The following C5 variants were observed in gnomAD, a reference collection of about 807,000 sequenced individuals.
C5 encodes the protein complement C5.
C5 carries 140 observed loss-of-function variants against 218.8 expected under a neutral mutation model. The ratio of observed to expected loss-of-function variants is 0.64; its 90% CI spans 0.56 to 0.74. The LOEUF (loss-of-function observed/expected upper bound fraction) is 0.74. C5 is among the 30% of genes least tolerant of loss of function. The probability of loss-of-function intolerance (pLI) is 0.00; values close to 1 mark genes in which losing one functional copy is unlikely to be tolerated. For synonymous variants in C5, 614 were observed against 682.3 expected (o/e 0.90, Z 1.56); for missense variants, 1,700 against 1,969.6 (o/e 0.86, Z 2.59).
chr9:121,013,275 C>T (rs146679851), intron 17 of C5, among the ~76,000 whole-genome samples: 2 of 144,268 alleles, frequency 1.4e-5, no homozygotes, highest in East Asian at 2.1e-4. Context: ...GCCAAGATTG[C>T]ACCACTGCAC....
At chr9:121,051,074 A>T (rs1225121910), upstream of C5, among the ~76,000 whole-genome samples, 1 of 152,112 alleles carries the variant, frequency 6.6e-6, no homozygotes, top group African/African-American at 2.4e-5. Flanking sequence ...TTCCTATAAC[A>T]ATTGAGTCTA....
intron 21 of C5, 41 bp downstream of exon 21, chr9:120,997,506 C>T: frequency 4.2e-6 from 6 of 1,418,080 alleles, no homozygotes; most frequent in Admixed American, 1.7e-5. Flanking sequence ...CTCTCTTTTG[C>T]AATAATTTAA....
intron 22 of C5, among the ~76,000 whole-genome samples, chr9:120,993,480 T>A (rs2047093048): frequency 1.3e-5 from 2 of 152,240 alleles, no homozygotes; most frequent in African/African-American, 4.8e-5. Context: ...TGGAGTGCAG[T>A]GGCGTGATCT....
chr9:121,020,028 A>G lies in C5; in HGVS notation c.1454T>C (p.Ile485Thr). 1 of 1,612,280 alleles carries G rather than the reference A, an allele frequency of 6.2e-7. No homozygotes were observed. Among genetic ancestry groups the G allele is most frequent in the Non-Finnish European group, 8.5e-7 (1 of 1,178,396 alleles). ...AATATATGGGCTTTTGGGGGTAACA[A>G]TAATATTCAGATGTTCTCCCACTAG... ...ALLVGEHLNI[I>T]VTPKSPYIDK... The change falls in exon 12 of 41, where the codon ATT becomes ACT. Residue 485 changes from isoleucine (I) to threonine (T), a missense_variant. Physicochemically the swap from Ile to Thr is moderately conservative, Grantham distance 89. Transcript: ENST00000223642.
chr9:120,974,827 T>C lies in C5; in HGVS notation c.3969A>G (p.Leu1323=), dbSNP rs1228423423. The change falls in exon 30 of 41, where the codon TTA becomes TTG. Residue 1323 remains leucine (L), a synonymous_variant. Coordinates refer to ENST00000223642, the MANE Select transcript of C5 (RefSeq NM_001735.3). ...TCTTGTCTGTCATTTTATAATTATG[T>C]AAGGCACCTTTATGCTTGTAAGAAA... ...IDVSYKHKGA[L]HNYKMTDKNF... 3.7e-6 allele frequency: 6 copies of C among 1,613,956 alleles called. No individual in the cohort carries two copies. In the South Asian group the frequency reaches 4.4e-5, roughly 12 times the overall value.
At chr9:121,063,290 T>C in the C5 span, among the ~76,000 whole-genome samples, 1 of 151,966 alleles carries the variant, frequency 6.6e-6, no homozygotes, top group Non-Finnish European at 1.5e-5. Flanking sequence ...TTTTTCTCCC[T>C]GCTCAAATCT....
chr9:121,028,139 A>G (rs1419824431), intron 7 of C5, among the ~76,000 whole-genome samples: 3 of 152,238 alleles, frequency 2.0e-5, no homozygotes, highest in Non-Finnish European at 4.4e-5. Flanking sequence ...CAAAACCACA[A>G]TGAGATACCA....
intron 30 of C5, among the ~76,000 whole-genome samples, chr9:120,973,265 C>G (rs2046928041): frequency 6.6e-6 from 1 of 151,996 alleles, no homozygotes; most frequent in Non-Finnish European, 1.5e-5. Context: ...CAGCATTATC[C>G]CTATAGAGAA....
At chr9:121,068,260 A>C in the C5 span, among the ~76,000 whole-genome samples, 114,017 of 151,992 alleles carry the variant, frequency 0.75, 43,172 homozygotes, top group East Asian at 0.96. Context: ...AATATATTAG[A>C]AACTAGTAAA....
intron 27 of C5, among the ~76,000 whole-genome samples, chr9:120,980,635 G>A (rs1415315135): frequency 1.3e-5 from 2 of 151,930 alleles, no homozygotes; most frequent in African/African-American, 4.8e-5. Flanking sequence ...CTGTCGCCCA[G>A]GCTGGAGTGC....
chr9:121,021,846 G>A (rs1018296625), intron 10 of C5, 152 bp from the exon 11 acceptor site: 22 of 716,886 alleles, frequency 3.1e-5, no homozygotes, highest in East Asian at 1.6e-4. Flanking sequence ...GACTTACTAC[G>A]TTGCCCAGGT....
chr9:121,068,575 A>C, the C5 span, among the ~76,000 whole-genome samples: 1 of 152,322 alleles, frequency 6.6e-6, no homozygotes, highest in Middle Eastern at 3.4e-3. Flanking sequence ...TACAGATTCA[A>C]TGCAATCTCT....
chr9:121,017,968 T>C, intron 12 of C5, 116 bp from the exon 13 acceptor site: 3 of 728,406 alleles, frequency 4.1e-6, no homozygotes, highest in Admixed American at 2.1e-5. Flanking sequence ...AAAAATAAAG[T>C]TAGGCTGGGC....
the C5 span, among the ~76,000 whole-genome samples, chr9:121,058,369 T>A: frequency 6.6e-6 from 1 of 152,214 alleles, no homozygotes; most frequent in Non-Finnish European, 1.5e-5. Flanking sequence ...CCAGGAAAGA[T>A]ACGAAACCAT....
At chr9:120,963,494 A>T in intron 34 of C5, 142 bp downstream of exon 34, 1 of 688,110 alleles carries the variant, frequency 1.5e-6, no homozygotes, top group Non-Finnish European at 2.6e-6. Flanking sequence ...CAAGAGTGAA[A>T]ATCCACCTCC....
chr9:120,963,432 G>C (rs528337868), intron 34 of C5, among the ~76,000 whole-genome samples: 1 of 151,834 alleles, frequency 6.6e-6, no homozygotes, highest in Non-Finnish European at 1.5e-5. Flanking sequence ...ACTTGAACCC[G>C]AGAGGTGCGG....
chr9:120,992,524 T>TA (rs1328923988), intron 22 of C5, among the ~76,000 whole-genome samples: 1 of 152,242 alleles, frequency 6.6e-6, no homozygotes. Context: ...TTATTACAGA[T>TA]AGCCTTGAGA....
intron 22 of C5, among the ~76,000 whole-genome samples, chr9:120,991,761 G>C (rs2047078492): frequency 6.6e-6 from 1 of 152,050 alleles, no homozygotes; most frequent in African/African-American, 2.4e-5. Flanking sequence ...TTAGCATACT[G>C]GTATCAGATA....
At chr9:120,988,963 G>C (rs2047054774) in intron 25 of C5, 83 bp downstream of exon 25, 1 of 996,916 alleles carries the variant, frequency 1.0e-6, no homozygotes, top group African/African-American at 1.6e-5. Flanking sequence ...TGAGCAACTG[G>C]AGGAATGGAG....
Sources: allele counts gnomAD v4.1 joint callset (sites outside exome capture counted in the v4.1 genomes callset), GRCh38; gene constraint gnomAD v4.1.1; transcripts MANE v1.5; gene names NCBI Gene and HGNC (gene_info 2026-07-23, HGNC 2026-07-21).